Variants in GPLD1 observed in about 807,000 individuals in gnomAD.
The protein encoded by GPLD1 is phosphatidylinositol-glycan-specific phospholipase D.
Under a neutral mutation model 112.6 loss-of-function variants are expected in GPLD1, and 84 were observed. The observed-to-expected ratio is 0.75, with a 90% CI of 0.63 to 0.89. The LOEUF (loss-of-function observed/expected upper bound fraction) is 0.89, where lower values mean the gene tolerates loss of function less well. Ranked by LOEUF, GPLD1 falls within the 40% of genes least tolerant of loss-of-function variation. GPLD1 has a pLI of 0.00. For missense variants in GPLD1, 1,044 were observed against 1,051.5 expected (o/e 0.99, Z 0.10); for synonymous variants, 386 against 403.8 (o/e 0.96, Z 0.53).
At position 24,436,573 on chromosome 6, in the gene GPLD1, T is replaced by TA. The variant is rs775922334; in HGVS notation, c.2358+2dup. The TA allele has an allele frequency of 1.9e-6, 3 of 1,612,624 alleles. No individual in the cohort carries two copies. Among genetic ancestry groups the TA allele is most frequent in the African/African-American group, 1.3e-5 (1 of 75,020 alleles). The stretch of plus-strand genomic sequence containing the variant: ...AAGTTATAGAATTTTGTAGAACACT[T>TA]ACCTTTTCTTCTGGACATGGAGTTA... On this transcript the variant is annotated splice_region_variant and intron_variant, in intron 22 of 24. Coordinates refer to ENST00000230036, the MANE Select transcript of GPLD1 (RefSeq NM_001503.4).
intron 22 of GPLD1, among the ~76,000 whole-genome samples, chr6:24,433,994 A>G (rs986450488): frequency 1.3e-5 from 2 of 152,218 alleles, no homozygotes; most frequent in South Asian, 4.1e-4. Context: ...GGGTAAATAA[A>G]CTATGGTTTG....
chr6:24,457,838 A>T (rs1763316345), intron 12 of GPLD1, among the ~76,000 whole-genome samples: 2 of 151,672 alleles, frequency 1.3e-5, no homozygotes, highest in South Asian at 4.2e-4. Flanking sequence ...GTGCCGCTGC[A>T]CGCTAGCCTG....
intron 14 of GPLD1, among the ~76,000 whole-genome samples, chr6:24,452,025 A>G (rs1254599538): frequency 6.6e-6 from 1 of 152,040 alleles, no homozygotes; most frequent in Non-Finnish European, 1.5e-5. Flanking sequence ...CATTGTATCA[A>G]TGAGGACACA....
chr6:24,450,117 A>G (rs1188883946), intron 14 of GPLD1, among the ~76,000 whole-genome samples: 1 of 152,238 alleles, frequency 6.6e-6, no homozygotes, highest in Non-Finnish European at 1.5e-5. Context: ...GGAAGCAGAG[A>G]TGCCAGAAAG....
chr6:24,439,934 C>T (rs1363052370), intron 20 of GPLD1, among the ~76,000 whole-genome samples: 1 of 152,122 alleles, frequency 6.6e-6, no homozygotes, highest in African/African-American at 2.4e-5. Context: ...TAATTTCTGC[C>T]ACGAGCACTA....
chr6:24,432,515 C>T (rs1455939701), intron 24 of GPLD1, among the ~76,000 whole-genome samples: 1 of 152,124 alleles, frequency 6.6e-6, no homozygotes, highest in Non-Finnish European at 1.5e-5. Context: ...GCAGGAAAAT[C>T]ACTTGAACCT....
rs112653474 is a variant in GPLD1 at position 24,433,714 on chromosome 6, C to T, written c.2359-325G>A. Among the ~76,000 whole-genome samples, 113 of 151,876 alleles carry T rather than the reference C, an allele frequency of 7.4e-4. 2 individuals are homozygous for T. Among genetic ancestry groups the T allele is most frequent in the Non-Finnish European group, 1.0e-3 (68 of 67,932 alleles). The stretch of plus-strand genomic sequence containing the variant: ...TTCACCACGTTGGCCAGGCCGGTCT[C>T]GAACTCCTCACCTCAGGTGATCCAC... On this transcript the variant is annotated intron_variant, in intron 22 of 24. Transcript: ENST00000230036.
chr6:24,452,145 A>G (rs1763110759), intron 14 of GPLD1, among the ~76,000 whole-genome samples: 1 of 152,186 alleles, frequency 6.6e-6, no homozygotes, highest in South Asian at 2.1e-4. Flanking sequence ...GAGGGCATGG[A>G]GCCACTTCCT....
downstream of GPLD1, chr6:24,424,227 T>C (rs1473441145): frequency 6.6e-6 from 1 of 151,864 alleles, no homozygotes; most frequent in Non-Finnish European, 1.5e-5. Context: ...CCCCTTTTTT[T>C]TATAAAAGGT....
chr6:24,452,083 G>A lies in GPLD1; in HGVS notation c.1335+1932C>T, dbSNP rs118048303. 4.4e-4 allele frequency among the ~76,000 whole-genome samples: 67 copies of A among 152,276 alleles called. 1 individual carries two copies. The East Asian group carries it at 0.01, about 23-fold the overall frequency. On this transcript the variant is annotated intron_variant, in intron 14 of 24. Transcript: ENST00000230036. ...CCTGAGGGCAGGATTTCCATCCTTC[G>A]TCCATGCCTTTATCTTGCCATCTTT... is the stretch of plus-strand genomic sequence containing the variant.
At chr6:24,436,837 A>C in intron 21 of GPLD1, 101 bp from the exon 22 acceptor site, 1 of 1,150,480 alleles carries the variant, frequency 8.7e-7, no homozygotes, top group Non-Finnish European at 1.2e-6. Flanking sequence ...TACAAATAAT[A>C]TTAGTATCTC....
intron 2 of GPLD1, among the ~76,000 whole-genome samples, chr6:24,483,090 G>A (rs1329787869): frequency 6.6e-6 from 1 of 152,194 alleles, no homozygotes; most frequent in Admixed American, 6.5e-5. Flanking sequence ...CACTTTGGGA[G>A]GCTGACGCGG....
In GPLD1 at chr6:24,461,345, G is replaced by GA. The variant is rs745947970; in HGVS notation, c.888-947dup. Among the ~76,000 whole-genome samples the GA allele has an allele frequency of 8.8e-3, 1,307 of 148,012 alleles. 10 individuals carry two copies. Among genetic ancestry groups the GA allele is most frequent in the Non-Finnish European group, 0.014 (933 of 66,698 alleles). On this transcript the variant is annotated intron_variant, in intron 11 of 24. Coordinates refer to ENST00000230036, the MANE Select transcript of GPLD1 (RefSeq NM_001503.4). ...TGGTTTGCTAGGAAAAAAAGAAAAAGAAAAAAAAAAGTTACCCAATTCAAA... is the reference window on the plus strand; with the variant it reads ...TGGTTTGCTAGGAAAAAAAGAAAAAGAAAAAAAAAAAGTTACCCAATTCAAA...
chr6:24,452,845 G>T (rs545158691), intron 14 of GPLD1, among the ~76,000 whole-genome samples: 18 of 151,482 alleles, frequency 1.2e-4, no homozygotes, highest in African/African-American at 3.9e-4. Flanking sequence ...ACTTCACAGC[G>T]AAAGGGTAAG....
chr6:24,479,824 C>T, intron 3 of GPLD1, 57 bp downstream of exon 3: 2 of 881,704 alleles, frequency 2.3e-6, no homozygotes, highest in South Asian at 2.6e-5. Context: ...AAAGTCATAG[C>T]TATTCCTATT....
chr6:24,434,837 CAAAAA>C (rs747085341), intron 22 of GPLD1, among the ~76,000 whole-genome samples: 2 of 65,462 alleles, frequency 3.1e-5, no homozygotes, highest in African/African-American at 1.2e-4. Context: ...GACTCCGTCT[CAAAAA>C]AAAAAAAAAA....
intron 20 of GPLD1, among the ~76,000 whole-genome samples, chr6:24,441,559 G>C (rs1762747085): frequency 6.6e-6 from 1 of 152,194 alleles, no homozygotes. Flanking sequence ...CATATTCAGG[G>C]ATGGTTGTGA....
chr6:24,479,292 G>C (rs1368896699), intron 3 of GPLD1, among the ~76,000 whole-genome samples: 1 of 152,158 alleles, frequency 6.6e-6, no homozygotes, highest in Non-Finnish European at 1.5e-5. Flanking sequence ...GAGTGTTCCT[G>C]ACCGAAATCG....
At chr6:24,439,497 C>T (rs183366930) in intron 20 of GPLD1, among the ~76,000 whole-genome samples, 185 of 152,284 alleles carry the variant, frequency 1.2e-3, no homozygotes, top group African/African-American at 4.3e-3. Context: ...CTCTAACACG[C>T]ATCACAGTCT....
Sources: gnomAD v4.1 joint callset for allele counts (sites outside exome capture counted in the v4.1 genomes callset) on GRCh38, gnomAD v4.1.1 for gene constraint, MANE v1.5 for transcripts, NCBI Gene and HGNC (gene_info 2026-07-23, HGNC 2026-07-21) for gene names.